DAPK1: variants seen among roughly 807,000 people sequenced by gnomAD.
DAPK1 encodes death-associated protein kinase 1.
A neutral mutation model predicts 144.9 loss-of-function variants in DAPK1; 56 were observed. The ratio of observed to expected loss-of-function variants is 0.39; its 90% CI spans 0.31 to 0.48. The LOEUF is 0.48. Among genes scored for constraint, DAPK1 ranks in the 20% least tolerant of loss-of-function variants. The probability of loss-of-function intolerance (pLI) is 0.95; values close to 1 mark genes in which losing one functional copy is unlikely to be tolerated. For synonymous variants in DAPK1, 690 were observed against 749.0 expected (o/e 0.92, Z 1.29); for missense variants, 1,454 against 1,875.4 (o/e 0.78, Z 4.15).
At chr9:87,591,403 A>G (rs1346099667) in intron 2 of DAPK1, among the ~76,000 whole-genome samples, 3 of 152,230 alleles carry the variant, frequency 2.0e-5, no homozygotes, top group Non-Finnish European at 2.9e-5. Flanking sequence ...ATGTTTTTCA[A>G]TGCTGGAGCA....
chr9:87,681,354 T>C, intron 19 of DAPK1, 50 bp from the exon 20 acceptor site: 1 of 943,408 alleles, frequency 1.1e-6, no homozygotes, highest in Non-Finnish European at 1.7e-6. Context: ...TGAGAATCAT[T>C]ATTTGCCTCT....
chr9:87,506,402 A>G (rs530077093), intron 2 of DAPK1, among the ~76,000 whole-genome samples: 3 of 152,180 alleles, frequency 2.0e-5, no homozygotes, highest in Non-Finnish European at 2.9e-5. Context: ...TCCTTTTCCA[A>G]ATGGCTTCAG....
intron 18 of DAPK1, chr9:87,668,140 C>G (rs1831122480): frequency 1.3e-5 from 2 of 154,142 alleles, no homozygotes; most frequent in Admixed American, 1.3e-4. Context: ...TTGAAATGCA[C>G]AGTAATTACC....
At chr9:87,506,635 G>A (rs779361263) in intron 2 of DAPK1, among the ~76,000 whole-genome samples, 30 of 152,342 alleles carry the variant, frequency 2.0e-4, no homozygotes, top group Non-Finnish European at 3.5e-4. Flanking sequence ...TAGAGTTGGT[G>A]TGTGATTGTT....
intron 2 of DAPK1, among the ~76,000 whole-genome samples, chr9:87,599,133 G>A (rs975887165): frequency 5.9e-5 from 9 of 152,138 alleles, no homozygotes; most frequent in Non-Finnish European, 1.2e-4. Context: ...TAATATGTAC[G>A]AGGTCCACAC....
intron 2 of DAPK1, among the ~76,000 whole-genome samples, chr9:87,601,677 T>C (rs1467115960): frequency 1.3e-5 from 2 of 152,142 alleles, no homozygotes; most frequent in Non-Finnish European, 2.9e-5. Context: ...AGACTCCCTA[T>C]GGTCAGGTGC....
intron 2 of DAPK1, among the ~76,000 whole-genome samples, chr9:87,510,483 T>G (rs936299654): frequency 1.3e-5 from 2 of 152,244 alleles, no homozygotes; most frequent in Non-Finnish European, 2.9e-5. Context: ...GAGCATGTCC[T>G]AGGCTACTCC....
chr9:87,608,501 G>A (rs138687239), intron 3 of DAPK1, among the ~76,000 whole-genome samples: 48 of 152,198 alleles, frequency 3.2e-4, no homozygotes, highest in South Asian at 8.3e-4. Flanking sequence ...AGAGATCTTG[G>A]GATTGCTGGA....
chr9:87,683,325 C>A (rs1824712634), intron 20 of DAPK1, among the ~76,000 whole-genome samples: 1 of 152,152 alleles, frequency 6.6e-6, no homozygotes, highest in African/African-American at 2.4e-5. Context: ...TTGTGATCCA[C>A]CTGCCTCGGC....
rs554231473 is a variant in DAPK1, at chr9:87,647,946, G to A, written c.1329+543G>A. ...TTCATTCAGTTCACACAACAATCCT[G>A]TGAATTAATTGGCTGTGCTGGAACC... On this transcript the variant is annotated intron_variant, in intron 14 of 25. Coordinates refer to ENST00000408954, the MANE Select transcript of DAPK1 (RefSeq NM_004938.4). Among the ~76,000 whole-genome samples the A allele has an allele frequency of 2.2e-4, 34 of 152,226 alleles. 1 individual carries two copies. The highest frequency in any genetic ancestry group is 1.0e-3 in the Admixed American group (16 of 15,290).
At chr9:87,682,379 G>A (rs1824665997) in intron 20 of DAPK1, among the ~76,000 whole-genome samples, 2 of 152,204 alleles carry the variant, frequency 1.3e-5, no homozygotes, top group Non-Finnish European at 2.9e-5. Context: ...TGAGTTTGTG[G>A]AAAGATAAGA....
Position 87,532,715 on chromosome 9 carries a change from G to GA in DAPK1, c.62+33582dup, listed in dbSNP as rs1414526301. Among the ~76,000 whole-genome samples the GA allele has an allele frequency of 3.9e-5, 6 of 152,142 alleles. No homozygotes were observed. The East Asian group carries it at 9.7e-4, about 24-fold the overall frequency. On this transcript the variant is annotated intron_variant, in intron 2 of 25. Coordinates refer to ENST00000408954, the MANE Select transcript of DAPK1 (RefSeq NM_004938.4). Reference sequence around the variant, plus strand: ...AGAGCCAGCTGATGCTTTGAGAGAAGAAAAAACCTCATGTCTCCTCTTCTC... The same window carrying GA: ...AGAGCCAGCTGATGCTTTGAGAGAAGAAAAAAACCTCATGTCTCCTCTTCTC...
intron 2 of DAPK1, among the ~76,000 whole-genome samples, chr9:87,586,502 T>C (rs995556910): frequency 6.6e-6 from 1 of 152,214 alleles, no homozygotes; most frequent in African/African-American, 2.4e-5. Flanking sequence ...ATTTGAAGAT[T>C]ACATAACTAT....
At chr9:87,656,584 A>C (rs1830635215) in intron 17 of DAPK1, among the ~76,000 whole-genome samples, 1 of 152,254 alleles carries the variant, frequency 6.6e-6, no homozygotes, top group South Asian at 2.1e-4. Context: ...GAAGATAATA[A>C]TAAAGAAATA....
At chr9:87,562,574 GTTAT>G (rs1409665268) in intron 2 of DAPK1, among the ~76,000 whole-genome samples, 1 of 152,202 alleles carries the variant, frequency 6.6e-6, no homozygotes. Flanking sequence ...TGCCACAGTA[GTTAT>G]TTAAATAGAG....
At position 87,639,717 on chromosome 9, in the gene DAPK1, G is replaced by A; in HGVS notation, c.602+19G>A. The A allele has an allele frequency of 1.2e-6, 2 of 1,613,634 alleles. No homozygotes were observed. The highest frequency in any genetic ancestry group is 1.7e-6 in the Non-Finnish European group (2 of 1,179,596). ...ATATGTGGTAAGGAGTATGTCCTTG[G>A]TGTTGTTTGCTTTCTGATTTATTTG... On this transcript the variant is annotated intron_variant, in intron 6 of 25. Transcript: ENST00000408954.
chr9:87,523,452 A>G lies in DAPK1; in HGVS notation c.62+24313A>G, dbSNP rs116409243. 7.6e-3 allele frequency among the ~76,000 whole-genome samples: 1,160 copies of G among 152,176 alleles called. 9 individuals are homozygous for G. Among genetic ancestry groups the G allele is most frequent in the African/African-American group, 0.025 (1,042 of 41,500 alleles). On this transcript the variant is annotated intron_variant, in intron 2 of 25. Transcript: ENST00000408954. The stretch of plus-strand genomic sequence containing the variant: ...GCTGGGACCATAGACACGAGCCACA[A>G]CACCCAACTGATTTTTTAAAAATTT...
intron 1 of DAPK1, chr9:87,498,545 T>G: frequency 4.3e-6 from 1 of 230,510 alleles, no homozygotes; most frequent in Non-Finnish European, 8.3e-6. Context: ...GGCGCGGGGG[T>G]GCCACCGTTG....
intron 4 of DAPK1, among the ~76,000 whole-genome samples, chr9:87,639,049 C>T (rs1314571867): frequency 6.6e-6 from 1 of 152,180 alleles, no homozygotes; most frequent in African/African-American, 2.4e-5. Flanking sequence ...TCCCATTCCC[C>T]CAGTTACCCC....
Sources: gnomAD v4.1 joint callset for allele counts (sites outside exome capture counted in the v4.1 genomes callset) on GRCh38, gnomAD v4.1.1 for gene constraint, MANE v1.5 for transcripts, NCBI Gene and HGNC (gene_info 2026-07-23, HGNC 2026-07-21) for gene names.